The following KIF26B variants were observed in gnomAD, a reference collection of about 807,000 sequenced individuals.
KIF26B encodes the protein kinesin family member 26B.
In KIF26B, 63 loss-of-function variants were observed where a neutral mutation model predicts 151.2. The ratio of observed to expected loss-of-function variants is 0.42; its 90% CI spans 0.34 to 0.51. The LOEUF (loss-of-function observed/expected upper bound fraction) is 0.51. KIF26B is among the 20% of genes least tolerant of loss of function. The probability of loss-of-function intolerance (pLI) is 0.07; values close to 1 mark genes in which losing one functional copy is unlikely to be tolerated. For missense variants in KIF26B, 2,813 were observed against 2,913.6 expected (o/e 0.97, Z 0.79); for synonymous variants, 1,357 against 1,262.1 (o/e 1.08, Z -1.59).
At chr1:245,356,531 T>C (rs1394534472) in intron 2 of KIF26B, among the ~76,000 whole-genome samples, 2 of 152,116 alleles carry the variant, frequency 1.3e-5, no homozygotes, top group East Asian at 3.9e-4. Context: ...TACTCCAGCC[T>C]GGGTGAGAGA....
chr1:245,187,637 A>G (rs1056550848), intron 2 of KIF26B, among the ~76,000 whole-genome samples: 1 of 152,178 alleles, frequency 6.6e-6, no homozygotes, highest in Non-Finnish European at 1.5e-5. Context: ...AAGTCTCAGT[A>G]CACCCACCTG....
chr1:245,285,999 A>T (rs1435634717), intron 2 of KIF26B, among the ~76,000 whole-genome samples: 11 of 23,356 alleles, frequency 4.7e-4, no homozygotes, highest in Non-Finnish European at 6.1e-4. Context: ...CCCTCTCTCT[A>T]AAAAAAAAAA....
chr1:245,268,294 C>A (rs1670784976), intron 2 of KIF26B, among the ~76,000 whole-genome samples: 2 of 151,628 alleles, frequency 1.3e-5, no homozygotes, highest in Admixed American at 1.3e-4. Flanking sequence ...ACAGTGAAAC[C>A]CCATCTCTAC....
At chr1:245,330,048 C>G (rs1572006944) in intron 2 of KIF26B, among the ~76,000 whole-genome samples, 1 of 152,150 alleles carries the variant, frequency 6.6e-6, no homozygotes, top group Middle Eastern at 3.4e-3. Flanking sequence ...CTCAACCGAT[C>G]TGAAGTGCAA....
intron 9 of KIF26B, among the ~76,000 whole-genome samples, chr1:245,618,690 CAG>C (rs1268387112): frequency 7.8e-6 from 1 of 128,128 alleles, no homozygotes; most frequent in Non-Finnish European, 1.6e-5. Flanking sequence ...TTCCTTGAGA[CAG>C]AGTGCCACAG....
chr1:245,156,697 G>C lies in KIF26B; in HGVS notation c.465+14G>C, dbSNP rs754224933. ...TTCCCGGGCAAGGTGAGCGCCGCGC[G>C]GGGCTGGCTGGGGAGGCGCCGGGAG... is the stretch of plus-strand genomic sequence containing the variant. On this transcript the variant is annotated intron_variant, in intron 2 of 14. Transcript: ENST00000407071. The C allele has an allele frequency of 6.3e-6, 9 of 1,438,542 alleles. No individual in the cohort carries two copies. In the South Asian group the frequency reaches 7.0e-5, roughly 11 times the overall value. 89.1% of individuals were successfully genotyped at this position (1,438,542 alleles called of 1,614,324 possible).
intron 4 of KIF26B, among the ~76,000 whole-genome samples, chr1:245,533,638 A>G (rs1432756081): frequency 6.6e-6 from 1 of 152,190 alleles, no homozygotes; most frequent in Non-Finnish European, 1.5e-5. Flanking sequence ...AAAGATTGCT[A>G]GGTCAATATT....
chr1:245,380,955 G>GGAA (rs1431076495), intron 3 of KIF26B, among the ~76,000 whole-genome samples: 6 of 77,928 alleles, frequency 7.7e-5, no homozygotes, highest in Admixed American at 2.7e-4. Flanking sequence ...CCAAAAAGAT[G>GGAA]AAAAAAAAAA....
At chr1:245,396,401 A>G (rs962458054) in intron 3 of KIF26B, among the ~76,000 whole-genome samples, 3 of 152,250 alleles carry the variant, frequency 2.0e-5, no homozygotes, top group Admixed American at 2.0e-4. Flanking sequence ...TTTTATAATC[A>G]CTCAAAACTG....
intron 2 of KIF26B, among the ~76,000 whole-genome samples, chr1:245,202,518 G>C (rs1170959501): frequency 6.6e-6 from 1 of 152,114 alleles, no homozygotes; most frequent in African/African-American, 2.4e-5. Context: ...CAGCACTTTG[G>C]GGGGCCAAGG....
Position 245,218,695 on chromosome 1 carries a change from G to A in KIF26B, c.465+62012G>A, listed in dbSNP as rs922870478. Reference sequence around the variant, plus strand: ...GTTTCAATGTCTATTTCACATGTGCGCTCTAGCTCAGAATTTTAATAAGCA... The same window carrying A: ...GTTTCAATGTCTATTTCACATGTGCACTCTAGCTCAGAATTTTAATAAGCA... On this transcript the variant is annotated intron_variant, in intron 2 of 14. Coordinates refer to ENST00000407071, the MANE Select transcript of KIF26B (RefSeq NM_018012.4). The surrounding 1 kb of genome is among the most constrained non-coding windows in gnomAD (Gnocchi z 4.1). Among the ~76,000 whole-genome samples the A allele has an allele frequency of 1.3e-5, 2 of 152,152 alleles. No individual in the cohort carries two copies. The highest frequency in any genetic ancestry group is 2.4e-5 in the African/African-American group (1 of 41,420).
intron 10 of KIF26B, among the ~76,000 whole-genome samples, chr1:245,683,964 C>A (rs2044473156): frequency 6.6e-6 from 1 of 152,218 alleles, no homozygotes; most frequent in African/African-American, 2.4e-5. Context: ...CACAGACACA[C>A]ACGCCCAGGA....
At chr1:245,288,463 A>C (rs28619110) in intron 2 of KIF26B, among the ~76,000 whole-genome samples, 1 of 152,244 alleles carries the variant, frequency 6.6e-6, no homozygotes, top group East Asian at 1.9e-4. Context: ...AGCTGATGCC[A>C]AAGAGTATTG....
At chr1:245,329,267 G>A (rs1277788996) in intron 2 of KIF26B, among the ~76,000 whole-genome samples, 1 of 152,158 alleles carries the variant, frequency 6.6e-6, no homozygotes, top group Non-Finnish European at 1.5e-5. Flanking sequence ...GTTCTAACTC[G>A]AGAATTGCCA....
Position 245,667,419 on chromosome 1 carries a change from T to G in KIF26B, c.2259-16814T>G, listed in dbSNP as rs2044229581. Among the ~76,000 whole-genome samples the G allele has an allele frequency of 6.6e-6, 1 of 152,130 alleles. No individual in the cohort carries two copies. The highest frequency in any genetic ancestry group is 1.5e-5 in the Non-Finnish European group (1 of 68,018). On this transcript the variant is annotated intron_variant, in intron 10 of 14. Coordinates refer to ENST00000407071, the MANE Select transcript of KIF26B (RefSeq NM_018012.4). The surrounding 1 kb of genome is among the most constrained non-coding windows in gnomAD (Gnocchi z 4.3). ...GTCTCAAACTCCTGGATTCAGACAATCTGCCTGCCTCGGCCTCCCAAAGTG... is the reference window on the plus strand; with the variant it reads ...GTCTCAAACTCCTGGATTCAGACAAGCTGCCTGCCTCGGCCTCCCAAAGTG...
At chr1:245,364,119 C>T (rs1389561203) in intron 2 of KIF26B, among the ~76,000 whole-genome samples, 1 of 152,192 alleles carries the variant, frequency 6.6e-6, no homozygotes, top group Non-Finnish European at 1.5e-5. Context: ...GTGTTGTTCT[C>T]ATGCACCCTC....
In KIF26B at chr1:245,156,364, G is replaced by A; in HGVS notation, c.146G>A (p.Arg49His). ...TACCGGAAAGCATACGAGGAGTCGC[G>A]CGCCGGCAGCCGGCCCACTCCTGAG... ...SWYRKAYEESRAGSRPTPEGA... is the reference protein window; with the variant it reads ...SWYRKAYEESHAGSRPTPEGA... The change falls in exon 2 of 15, where the codon CGC (arginine) becomes CAC (histidine). Residue 49 changes from arginine to histidine, a missense_variant. Physicochemically the swap from Arg to His is conservative, Grantham distance 29. This residue lies in a region of KIF26B where 676 missense variants were observed against 688.1 expected (regional missense o/e 0.98). Transcript: ENST00000407071. 1 of 1,544,474 alleles carries A rather than the reference G, an allele frequency of 6.5e-7. No homozygotes were observed. Among genetic ancestry groups the A allele is most frequent in the Non-Finnish European group, 8.7e-7 (1 of 1,144,808 alleles).
chr1:245,584,527 G>A (rs2043205315), intron 5 of KIF26B, among the ~76,000 whole-genome samples: 1 of 152,188 alleles, frequency 6.6e-6, no homozygotes, highest in South Asian at 2.1e-4. Context: ...TTCAGTGCCA[G>A]AACAGTGTCC....
rs1364330169 is a variant in KIF26B at position 245,352,807 on chromosome 1, T to A, written c.466-14027T>A. Among the ~76,000 whole-genome samples, 1 of 152,052 alleles carries A rather than the reference T, an allele frequency of 6.6e-6. No homozygotes were observed. On this transcript the variant is annotated intron_variant, in intron 2 of 14. Coordinates refer to ENST00000407071, the MANE Select transcript of KIF26B (RefSeq NM_018012.4). The surrounding 1 kb of genome is among the most constrained non-coding windows in gnomAD (Gnocchi z 5.0). ...CCCCAACCCCACGACTAGAACTATCTTAGTGGTTTCTTCCTAAAGAGATGT... is the reference window on the plus strand; with the variant it reads ...CCCCAACCCCACGACTAGAACTATCATAGTGGTTTCTTCCTAAAGAGATGT...
Sources: allele counts gnomAD v4.1 joint callset (sites outside exome capture counted in the v4.1 genomes callset), GRCh38; gene constraint gnomAD v4.1.1; regional missense constraint gnomAD v4.1.1; non-coding constraint Gnocchi (gnomAD v3.1); transcripts MANE v1.5; gene names NCBI Gene and HGNC (gene_info 2026-07-23, HGNC 2026-07-21).